Variants in NAALADL2 observed in about 807,000 individuals in gnomAD.
The protein encoded by NAALADL2 is inactive N-acetylated-alpha-linked acidic dipeptidase-like protein 2.
Under a neutral mutation model 87.2 loss-of-function variants are expected in NAALADL2, and 76 were observed. The ratio of observed to expected loss-of-function variants is 0.87; its 90% CI spans 0.72 to 1.05. The LOEUF (loss-of-function observed/expected upper bound fraction) is 1.05. Among genes scored for constraint, NAALADL2 ranks in the 50% least tolerant of loss-of-function variants. The pLI, the probability that NAALADL2 is intolerant of heterozygous loss-of-function variation, is 0.00. For missense variants in NAALADL2, 1,089 were observed against 945.8 expected (o/e 1.15, Z -1.99); for synonymous variants, 354 against 331.0 (o/e 1.07, Z -0.75).
chr3:174,857,871 A>T (rs1448549220), upstream of NAALADL2, among the ~76,000 whole-genome samples: 1 of 152,190 alleles, frequency 6.6e-6, no homozygotes, highest in Non-Finnish European at 1.5e-5. Context: ...AATTGCAATC[A>T]GAAATTTTTA....
intron 11 of NAALADL2, among the ~76,000 whole-genome samples, chr3:175,696,629 A>G (rs1387070669): frequency 6.6e-6 from 1 of 152,260 alleles, no homozygotes; most frequent in East Asian, 1.9e-4. Flanking sequence ...AAGGGACATC[A>G]AGGAGAAAAA....
intron 1 of NAALADL2, among the ~76,000 whole-genome samples, chr3:175,022,961 A>G (rs550054117): frequency 6.6e-6 from 1 of 152,102 alleles, no homozygotes; most frequent in African/African-American, 2.4e-5. Flanking sequence ...TGTTTGTTTT[A>G]ATTACGTCCA....
At chr3:175,402,794 C>T (rs1044663751) in intron 5 of NAALADL2, among the ~76,000 whole-genome samples, 1 of 152,000 alleles carries the variant, frequency 6.6e-6, no homozygotes, top group African/African-American at 2.4e-5. Flanking sequence ...AATTGGCTCC[C>T]TCTCTGTGCC....
At chr3:175,664,372 ACTCT>A (rs1443115769) in intron 11 of NAALADL2, among the ~76,000 whole-genome samples, 2 of 151,994 alleles carry the variant, frequency 1.3e-5, no homozygotes, top group African/African-American at 2.4e-5. Flanking sequence ...CATGTCTACT[ACTCT>A]CTCTATCTAT....
chr3:175,011,458 G>C (rs1034217185), intron 1 of NAALADL2, among the ~76,000 whole-genome samples: 5 of 152,170 alleles, frequency 3.3e-5, no homozygotes, highest in African/African-American at 1.2e-4. Flanking sequence ...ATCGTCTACA[G>C]ACAAATGTGA....
chr3:174,465,337 G>T (rs1303019203), intron 1 of NAALADL2, among the ~76,000 whole-genome samples: 1 of 152,078 alleles, frequency 6.6e-6, no homozygotes, highest in Non-Finnish European at 1.5e-5. Flanking sequence ...AGCCGGGACT[G>T]TTTTTATTCA....
intron 3 of NAALADL2, among the ~76,000 whole-genome samples, chr3:174,801,063 G>A (rs1166525254): frequency 6.6e-6 from 1 of 152,126 alleles, no homozygotes; most frequent in African/African-American, 2.4e-5. Context: ...ATGAGACTTG[G>A]GACTACAGAA....
intron 2 of NAALADL2, among the ~76,000 whole-genome samples, chr3:174,680,796 C>T (rs512446): frequency 0.67 from 101,351 of 151,998 alleles, 34,121 homozygotes; most frequent in Admixed American, 0.73. Context: ...ATAGAAGCCT[C>T]CACTGATTGT....
chr3:174,849,500 G>A (rs1414749566), intron 3 of NAALADL2, among the ~76,000 whole-genome samples: 2 of 151,982 alleles, frequency 1.3e-5, no homozygotes, highest in Non-Finnish European at 2.9e-5. Flanking sequence ...ACTTTGGGGG[G>A]CCGAGGCGGG....
chr3:175,740,494 G>A lies in NAALADL2; in HGVS notation c.1990+3095G>A, dbSNP rs745324134. ...GAAAGTTAGGCATTCCTAGTCTCTCGATGTTTATGGTTAAAGGAACAGATT... is the reference window on the plus strand; with the variant it reads ...GAAAGTTAGGCATTCCTAGTCTCTCAATGTTTATGGTTAAAGGAACAGATT... On this transcript the variant is annotated intron_variant, in intron 12 of 13. Coordinates refer to ENST00000454872, the MANE Select transcript of NAALADL2 (RefSeq NM_207015.3). Among the ~76,000 whole-genome samples, 5 of 152,120 alleles carry A rather than the reference G, an allele frequency of 3.3e-5. No homozygotes were observed. In the East Asian group the frequency reaches 9.6e-4, roughly 29 times the overall value.
At chr3:174,882,600 CATACATATATGTGCAT>C (rs1729408823) in intron 1 of NAALADL2, among the ~76,000 whole-genome samples, 1 of 135,322 alleles carries the variant, frequency 7.4e-6, no homozygotes, top group Non-Finnish European at 1.5e-5. Flanking sequence ...TGTATATACA[CATACATATATGTGCAT>C]ATGCATATAT....
At chr3:175,263,266 C>A (rs1221646394) in intron 4 of NAALADL2, among the ~76,000 whole-genome samples, 3 of 151,928 alleles carry the variant, frequency 2.0e-5, no homozygotes, top group African/African-American at 7.2e-5. Flanking sequence ...CAACTTCAAA[C>A]ATGGGTTATA....
chr3:174,650,432 G>A (rs1255744702), intron 2 of NAALADL2, among the ~76,000 whole-genome samples: 1 of 152,050 alleles, frequency 6.6e-6, no homozygotes, highest in Non-Finnish European at 1.5e-5. Flanking sequence ...TGTTATTGAA[G>A]GTAGTTTAAC....
At chr3:174,620,717 A>G (rs1450711577) in intron 2 of NAALADL2, among the ~76,000 whole-genome samples, 1 of 152,088 alleles carries the variant, frequency 6.6e-6, no homozygotes, top group Non-Finnish European at 1.5e-5. Context: ...TCAAAATGGG[A>G]CTGTGAAACT....
At chr3:175,186,924 C>T (rs1737418058) in intron 2 of NAALADL2, among the ~76,000 whole-genome samples, 1 of 152,050 alleles carries the variant, frequency 6.6e-6, no homozygotes, top group Non-Finnish European at 1.5e-5. Flanking sequence ...TAATAATTTT[C>T]CTCATCTTGT....
intron 11 of NAALADL2, among the ~76,000 whole-genome samples, chr3:175,677,540 T>C (rs995725286): frequency 6.7e-6 from 1 of 150,248 alleles, no homozygotes; most frequent in African/African-American, 2.4e-5. Context: ...TGGGGTCACA[T>C]AGATAGAAAT....
At chr3:174,709,263 A>G (rs1391634655) in intron 2 of NAALADL2, among the ~76,000 whole-genome samples, 5 of 152,136 alleles carry the variant, frequency 3.3e-5, no homozygotes, top group Non-Finnish European at 5.9e-5. Flanking sequence ...GTAGTTGAAT[A>G]TGGCTCTGAA....
intron 5 of NAALADL2, among the ~76,000 whole-genome samples, chr3:175,330,052 C>G: frequency 6.7e-6 from 1 of 149,802 alleles, no homozygotes; most frequent in South Asian, 2.1e-4. Context: ...AAGCACTCTA[C>G]TTTAAATTAA....
intron 1 of NAALADL2, among the ~76,000 whole-genome samples, chr3:174,926,569 G>T (rs555251035): frequency 1.3e-5 from 2 of 152,206 alleles, no homozygotes; most frequent in Admixed American, 1.3e-4. Flanking sequence ...TTAAAGAAAA[G>T]AATTTTCAAC....
Sources: allele counts gnomAD v4.1 joint callset (sites outside exome capture counted in the v4.1 genomes callset), GRCh38; gene constraint gnomAD v4.1.1; transcripts MANE v1.5; gene names NCBI Gene and HGNC (gene_info 2026-07-23, HGNC 2026-07-21).